SLC4A10: variants seen among roughly 807,000 people sequenced by gnomAD.
SLC4A10 encodes the protein sodium-driven chloride bicarbonate exchanger.
A neutral mutation model predicts 137.7 loss-of-function variants in SLC4A10; 42 were observed. That is an observed-to-expected ratio of 0.30 (90% CI 0.24 to 0.39). SLC4A10 has a LOEUF of 0.39. Ranked by LOEUF, SLC4A10 falls within the 10% of genes least tolerant of loss-of-function variation. SLC4A10 has a pLI of 1.00. For synonymous variants in SLC4A10, 474 were observed against 464.1 expected (o/e 1.02, Z -0.27); for missense variants, 925 against 1,355.0 (o/e 0.68, Z 4.98).
At chr2:161,798,092 G>T (rs1575018394) in intron 2 of SLC4A10, among the ~76,000 whole-genome samples, 1 of 151,986 alleles carries the variant, frequency 6.6e-6, no homozygotes, top group East Asian at 1.9e-4. Context: ...CATCCTCTCA[G>T]TCTCTTTGTT....
chr2:161,772,745 GA>G (rs1158479247), intron 2 of SLC4A10, among the ~76,000 whole-genome samples: 6 of 151,774 alleles, frequency 4.0e-5, no homozygotes, highest in South Asian at 2.1e-4. Flanking sequence ...AGGAAAACAG[GA>G]AAAAAATCTG....
chr2:161,901,730 T>C (rs1180791049), intron 12 of SLC4A10, among the ~76,000 whole-genome samples: 4 of 152,096 alleles, frequency 2.6e-5, no homozygotes, highest in Non-Finnish European at 5.9e-5. Flanking sequence ...GACTTTCCAG[T>C]TCCTGAGCAC....
chr2:161,776,495 A>G (rs924878605), intron 2 of SLC4A10, among the ~76,000 whole-genome samples: 2 of 151,958 alleles, frequency 1.3e-5, no homozygotes, highest in African/African-American at 4.8e-5. Context: ...TATTTAGTAT[A>G]TAAAGTCCTC....
chr2:161,905,605 CCTT>C (rs774461254), intron 14 of SLC4A10, 34 bp from the exon 15 acceptor site: 3 of 1,538,148 alleles, frequency 2.0e-6, no homozygotes, highest in African/African-American at 1.4e-5. Context: ...TGTTAAATGA[CCTT>C]CTTTTCACTG....
At chr2:161,864,153 G>A (rs983870950) in intron 6 of SLC4A10, among the ~76,000 whole-genome samples, 3 of 151,944 alleles carry the variant, frequency 2.0e-5, no homozygotes, top group African/African-American at 7.3e-5. Context: ...AGTGAGCCGA[G>A]ATCGCGCCAC....
At chr2:161,808,808 A>G (rs1352049639) in intron 3 of SLC4A10, among the ~76,000 whole-genome samples, 2 of 152,084 alleles carry the variant, frequency 1.3e-5, no homozygotes, top group Non-Finnish European at 2.9e-5. Flanking sequence ...TTCTTCATCC[A>G]CTTTACCATA....
intron 1 of SLC4A10, among the ~76,000 whole-genome samples, chr2:161,665,461 A>G (rs1035377249): frequency 6.6e-6 from 1 of 151,684 alleles, no homozygotes; most frequent in African/African-American, 2.4e-5. Flanking sequence ...TCTGTGTGAA[A>G]TGTTAATTTT....
At chr2:161,739,053 A>G (rs917765026) in intron 1 of SLC4A10, among the ~76,000 whole-genome samples, 1 of 152,140 alleles carries the variant, frequency 6.6e-6, no homozygotes, top group Admixed American at 6.5e-5. Flanking sequence ...TTTAGGAATA[A>G]TTTATGTTTC....
intron 1 of SLC4A10, among the ~76,000 whole-genome samples, chr2:161,695,687 A>G (rs181146469): frequency 1.3e-5 from 2 of 152,236 alleles, no homozygotes; most frequent in East Asian, 3.9e-4. Context: ...AGGCTATTTT[A>G]TAGAATATCT....
intron 1 of SLC4A10, among the ~76,000 whole-genome samples, chr2:161,749,427 T>C (rs2048718508): frequency 6.6e-6 from 1 of 151,920 alleles, no homozygotes; most frequent in Non-Finnish European, 1.5e-5. Flanking sequence ...TGGCCTTTAT[T>C]ATGTTTAGGG....
At chr2:161,818,578 A>G (rs1382323933) in intron 3 of SLC4A10, among the ~76,000 whole-genome samples, 3 of 152,132 alleles carry the variant, frequency 2.0e-5, no homozygotes, top group Non-Finnish European at 4.4e-5. Flanking sequence ...GAATGCTTCC[A>G]GTTTTTGTCC....
In SLC4A10 at chr2:161,863,061, T is replaced by A. The variant is rs1414105895; in HGVS notation, c.765T>A (p.Asn255Lys). ...CAGAACCAAATTCCATGGACAAAAA[T>A]GGTAAATGTTTATTTATTGTGCTCT... is the stretch of plus-strand genomic sequence containing the variant. ...KQSEPNSMDK[N>K]AGQVVSPQSA... The change falls in exon 6 of 27, where the codon AAT (asparagine) becomes AAA (lysine). Residue 255 changes from asparagine (N) to lysine (K), a missense_variant and splice_region_variant. Asn to Lys is a moderately conservative substitution (Grantham distance 94, BLOSUM62 0). Transcript: ENST00000446997. 1 of 1,613,432 alleles carries A rather than the reference T, an allele frequency of 6.2e-7. No homozygotes were observed. Among genetic ancestry groups the A allele is most frequent in the Non-Finnish European group, 8.5e-7 (1 of 1,179,626 alleles).
chr2:161,954,463 T>A (rs1401867659), intron 19 of SLC4A10, among the ~76,000 whole-genome samples: 1 of 152,182 alleles, frequency 6.6e-6, no homozygotes, highest in East Asian at 1.9e-4. Flanking sequence ...TCTAGCTCTG[T>A]CTTTATTTGA....
At chr2:161,683,122 T>C (rs2041041809) in intron 1 of SLC4A10, among the ~76,000 whole-genome samples, 2 of 152,172 alleles carry the variant, frequency 1.3e-5, no homozygotes, top group African/African-American at 4.8e-5. Context: ...GGGTGCATGG[T>C]TGATTGGGGA....
At chr2:161,696,895 T>A (rs986968515) in intron 1 of SLC4A10, among the ~76,000 whole-genome samples, 8 of 152,220 alleles carry the variant, frequency 5.3e-5, no homozygotes, top group Admixed American at 2.0e-4. Flanking sequence ...TCTTCCACAA[T>A]GGTTGAACTA....
chr2:161,971,695 A>G (rs1286328390), intron 23 of SLC4A10, among the ~76,000 whole-genome samples: 1 of 152,156 alleles, frequency 6.6e-6, no homozygotes, highest in African/African-American at 2.4e-5. Flanking sequence ...GCTTTCTCAC[A>G]GTGCTGCCGG....
chr2:161,833,291 T>A (rs1395806012), intron 3 of SLC4A10, among the ~76,000 whole-genome samples: 1 of 152,188 alleles, frequency 6.6e-6, no homozygotes, highest in Non-Finnish European at 1.5e-5. Flanking sequence ...CAGTAGAAAG[T>A]CTTGGAATTT....
chr2:161,627,933 A>G (rs1485895724), intron 1 of SLC4A10, among the ~76,000 whole-genome samples: 1 of 152,122 alleles, frequency 6.6e-6, no homozygotes, highest in South Asian at 2.1e-4. Flanking sequence ...CAGCTAGACT[A>G]GAAATAGGAC....
chr2:161,683,055 T>C (rs1325561652), intron 1 of SLC4A10, among the ~76,000 whole-genome samples: 2 of 152,154 alleles, frequency 1.3e-5, no homozygotes, highest in African/African-American at 2.4e-5. Context: ...TTAAAGCAAG[T>C]CATTAGCCTC....
Sources: gnomAD v4.1 joint callset for allele counts (sites outside exome capture counted in the v4.1 genomes callset) on GRCh38, gnomAD v4.1.1 for gene constraint, MANE v1.5 for transcripts, NCBI Gene and HGNC (gene_info 2026-07-23, HGNC 2026-07-21) for gene names.